Variants in MTMR7 observed in about 807,000 individuals in gnomAD.
MTMR7 encodes myotubularin related protein 7.
A neutral mutation model predicts 81.2 loss-of-function variants in MTMR7; 76 were observed. That is an observed-to-expected ratio of 0.94 (90% CI 0.78 to 1.13). MTMR7 has a LOEUF of 1.13. Among genes scored for constraint, MTMR7 ranks in the 50% most tolerant of loss-of-function variants. The pLI is 0.00. For synonymous variants in MTMR7, 372 were observed against 289.8 expected (o/e 1.28, Z -2.88); for missense variants, 1,044 against 820.0 (o/e 1.27, Z -3.34).
rs146094318 is a variant in MTMR7, at chr8:17,360,481, T to A, written c.468+636A>T. Reference sequence around the variant, plus strand: ...AAAATGGGATGGTGGGTTTGGGGTTTTTTTTTTTCCTTTTGTAAACTATCT... The same window carrying A: ...AAAATGGGATGGTGGGTTTGGGGTTATTTTTTTTCCTTTTGTAAACTATCT... On this transcript the variant is annotated intron_variant, in intron 4 of 13. Transcript: ENST00000180173. Among the ~76,000 whole-genome samples, 560 of 151,614 alleles carry A rather than the reference T, an allele frequency of 3.7e-3. 4 individuals are homozygous for A. The highest frequency in any genetic ancestry group is 0.013 in the African/African-American group (536 of 41,288).
intron 6 of MTMR7, among the ~76,000 whole-genome samples, chr8:17,335,026 G>C (rs919849095): frequency 4.6e-5 from 7 of 152,190 alleles, no homozygotes. Context: ...CACTACAACA[G>C]GCCCAGCCAA....
At chr8:17,363,769 A>G (rs1820129833) in intron 3 of MTMR7, among the ~76,000 whole-genome samples, 1 of 152,068 alleles carries the variant, frequency 6.6e-6, no homozygotes, top group Non-Finnish European at 1.5e-5. Context: ...TGCCTACTCT[A>G]AGAAATCGAA....
In MTMR7 at chr8:17,387,407, G is replaced by T. The variant is rs555003152; in HGVS notation, c.25-14167C>A. 5.3e-5 allele frequency among the ~76,000 whole-genome samples: 8 copies of T among 152,282 alleles called. No individual in the cohort carries two copies. The East Asian group carries it at 1.5e-3, about 29-fold the overall frequency. ...AATCCAAGAAGTTTAGACAGACCCAGGGGAGCTACTGGTAGAAAAATTCAC... is the reference window on the plus strand; with the variant it reads ...AATCCAAGAAGTTTAGACAGACCCATGGGAGCTACTGGTAGAAAAATTCAC... On this transcript the variant is annotated intron_variant, in intron 1 of 13. Coordinates refer to ENST00000180173, the MANE Select transcript of MTMR7 (RefSeq NM_004686.5).
intron 5 of MTMR7, among the ~76,000 whole-genome samples, chr8:17,342,373 T>C (rs746168169): frequency 4.6e-5 from 7 of 152,174 alleles, no homozygotes; most frequent in Non-Finnish European, 1.0e-4. Flanking sequence ...TGTGAAAGAA[T>C]GCAGGCAGTG....
chr8:17,383,893 C>A lies in MTMR7; in HGVS notation c.25-10653G>T, dbSNP rs117094815. On this transcript the variant is annotated intron_variant, in intron 1 of 13. Transcript: ENST00000180173. ...AGCTTTGGAGGAACCATGCAGGAAC[C>A]AAGCCCCACTTCTAACCAGCAATGC... is the stretch of plus-strand genomic sequence containing the variant. 1.4e-3 allele frequency among the ~76,000 whole-genome samples: 213 copies of A among 152,252 alleles called. 6 individuals are homozygous for A. The East Asian group carries it at 0.027, about 19-fold the overall frequency.
At chr8:17,306,694 C>CA (rs1467179711) in intron 10 of MTMR7, among the ~76,000 whole-genome samples, 3 of 152,114 alleles carry the variant, frequency 2.0e-5, no homozygotes, top group African/African-American at 7.2e-5. Flanking sequence ...AAGAGATCAT[C>CA]ACCTTGAGGA....
chr8:17,302,257 C>A lies in MTMR7; in HGVS notation c.1517G>T (p.Arg506Leu). 1.2e-6 allele frequency: 2 copies of A among 1,613,860 alleles called. No homozygotes were observed. Among genetic ancestry groups the A allele is most frequent in the Non-Finnish European group, 1.7e-6 (2 of 1,179,886 alleles). The change falls in exon 13 of 14, where the codon CGC becomes CTC. Residue 506 changes from arginine to leucine, a missense_variant. Transcript: ENST00000180173. ...MYKFWSGMYN[R>L]FEKGMQPRQS... ...TCGGGGCTGCATCCCCTTTTCAAAG[C>A]GGTTATACATTCCACTCCAAAACCT...
intron 1 of MTMR7, among the ~76,000 whole-genome samples, chr8:17,409,377 C>T (rs547746352): frequency 1.3e-5 from 2 of 152,044 alleles, no homozygotes; most frequent in Non-Finnish European, 2.9e-5. Context: ...GGAGAATCAC[C>T]TGAACCCAGG....
At chr8:17,392,467 A>G (rs914158145) in intron 1 of MTMR7, among the ~76,000 whole-genome samples, 4 of 152,230 alleles carry the variant, frequency 2.6e-5, no homozygotes, top group African/African-American at 9.6e-5. Flanking sequence ...TCATGGCAGC[A>G]CAAATGTAAC....
At chr8:17,311,775 C>T (rs552055218) in intron 8 of MTMR7, 139 bp from the exon 9 acceptor site, 2 of 1,338,752 alleles carry the variant, frequency 1.5e-6, no homozygotes, top group South Asian at 1.3e-5. Context: ...CTGTTTAGGG[C>T]CCCCCCTAAT....
chr8:17,308,788 A>T (rs1817629598), intron 10 of MTMR7, among the ~76,000 whole-genome samples: 3 of 152,118 alleles, frequency 2.0e-5, no homozygotes, highest in Admixed American at 2.0e-4. Context: ...AGTGAATATC[A>T]TGGCCTGGAT....
intron 7 of MTMR7, among the ~76,000 whole-genome samples, chr8:17,319,998 A>T (rs1388298513): frequency 6.6e-6 from 1 of 152,156 alleles, no homozygotes; most frequent in Non-Finnish European, 1.5e-5. Context: ...GTAAAATATG[A>T]ATCAAATTTT....
intron 6 of MTMR7, 69 bp downstream of exon 6, chr8:17,341,294 G>T: frequency 6.3e-7 from 1 of 1,587,436 alleles, no homozygotes; most frequent in Non-Finnish European, 8.6e-7. Context: ...ATGGCAGTCG[G>T]CTAGCCTTTG....
chr8:17,303,016 A>G (rs2150463842), intron 12 of MTMR7, among the ~76,000 whole-genome samples: 1 of 152,020 alleles, frequency 6.6e-6, no homozygotes, highest in East Asian at 1.9e-4. Flanking sequence ...TGACCAATAA[A>G]TCCCTTTTTA....
intron 1 of MTMR7, among the ~76,000 whole-genome samples, chr8:17,399,627 C>T (rs964296534): frequency 6.6e-6 from 1 of 151,972 alleles, no homozygotes; most frequent in African/African-American, 2.4e-5. Flanking sequence ...TAGAAAAAAT[C>T]CTGAAAGTTA....
At chr8:17,303,865 T>C (rs6587029) in intron 12 of MTMR7, among the ~76,000 whole-genome samples, 106,105 of 152,092 alleles carry the variant, frequency 0.7, 38,093 homozygotes, top group African/African-American at 0.86. Context: ...CCGCCTCGGC[T>C]AATACATACA....
In MTMR7 at chr8:17,349,099, A is replaced by G. The variant is rs536332988; in HGVS notation, c.469-18T>C. On this transcript the variant is annotated intron_variant, in intron 4 of 13. Transcript: ENST00000180173. ...TCACAGACCTGTCACCAGAAAATACAAAGAGATTTTTAGGCCATCTAGTAA... is the reference window on the plus strand; with the variant it reads ...TCACAGACCTGTCACCAGAAAATACGAAGAGATTTTTAGGCCATCTAGTAA... The G allele has an allele frequency of 3.5e-5, 57 of 1,609,376 alleles. No individual in the cohort carries two copies. The highest frequency in any genetic ancestry group is 2.2e-5 in the East Asian group (1 of 44,786).
Position 17,337,365 on chromosome 8 carries a change from A to C in MTMR7, c.732+3998T>G, listed in dbSNP as rs1034156352. Among the ~76,000 whole-genome samples the C allele has an allele frequency of 1.4e-3, 170 of 123,594 alleles. 1 individual carries two copies. The highest frequency in any genetic ancestry group is 5.0e-3 in the African/African-American group (158 of 31,622). 81.1% of individuals were successfully genotyped at this position (123,594 alleles called of 152,430 possible). On this transcript the variant is annotated intron_variant, in intron 6 of 13. Coordinates refer to ENST00000180173, the MANE Select transcript of MTMR7 (RefSeq NM_004686.5). ...GGGGGCGAGTAAAACTCCGTCCCAAAAAAAAAAAAAAAAAAAGTGCCTGCC... is the reference window on the plus strand; with the variant it reads ...GGGGGCGAGTAAAACTCCGTCCCAACAAAAAAAAAAAAAAAAGTGCCTGCC...
intron 10 of MTMR7, 54 bp downstream of exon 10, chr8:17,309,223 T>C (rs1817654492): frequency 8.4e-7 from 1 of 1,185,902 alleles, no homozygotes; most frequent in Admixed American, 2.1e-5. Flanking sequence ...ATTGAAATTT[T>C]CAGAAACAGT....
Sources: gnomAD v4.1 joint callset for allele counts (sites outside exome capture counted in the v4.1 genomes callset) on GRCh38, gnomAD v4.1.1 for gene constraint, MANE v1.5 for transcripts, NCBI Gene and HGNC (gene_info 2026-07-23, HGNC 2026-07-21) for gene names.